The following RPS6KA3 variants were observed in gnomAD, a reference collection of about 807,000 sequenced individuals.
RPS6KA3 encodes ribosomal protein S6 kinase A3.
Under a neutral mutation model 67.2 loss-of-function variants are expected in RPS6KA3, and 4 were observed. That is an observed-to-expected ratio of 0.06 (90% CI 0.03 to 0.14). The LOEUF (loss-of-function observed/expected upper bound fraction) is 0.14. Ranked by LOEUF, RPS6KA3 falls within the 10% of genes least tolerant of loss-of-function variation. The pLI is 1.00. For synonymous variants in RPS6KA3, 182 were observed against 183.7 expected, an observed-to-expected ratio of 0.99 and a Z score of 0.07; for missense variants, 204 against 559.0, an observed-to-expected ratio of 0.36 and a Z score of 6.40.
At chrX:20,173,544 C>T (rs1354059115) in intron 14 of RPS6KA3, among the ~76,000 whole-genome samples, 1 of 111,844 alleles carries the variant, frequency 8.9e-6, no homozygotes, top group Admixed American at 9.5e-5. Flanking sequence ...ATTCCATAAA[C>T]AGGCTGAGGA....
At chrX:20,162,894 A>G in intron 19 of RPS6KA3, 70 bp downstream of exon 19, 1 of 753,830 alleles carries the variant, frequency 1.3e-6, no homozygotes, top group Non-Finnish European at 2.1e-6. Flanking sequence ...CAAAACAAAA[A>G]CCTAGATAAC....
At chrX:20,187,993 T>C in intron 8 of RPS6KA3, 23 bp from the exon 9 acceptor site, 1 of 1,186,549 alleles carries the variant, frequency 8.4e-7, no homozygotes, top group Non-Finnish European at 1.1e-6. Flanking sequence ...ATATCATAAA[T>C]ATCCTACATA....
chrX:20,224,559 C>T (rs193038541), intron 2 of RPS6KA3, among the ~76,000 whole-genome samples: 1 of 111,417 alleles, frequency 9.0e-6, no homozygotes, highest in Admixed American at 9.5e-5. Flanking sequence ...TTTTCAGACA[C>T]TAAAAGATTT....
At chrX:20,216,729 A>G (rs1227173433) in intron 2 of RPS6KA3, among the ~76,000 whole-genome samples, 1 of 111,294 alleles carries the variant, frequency 9.0e-6, no homozygotes, top group African/African-American at 3.3e-5. Flanking sequence ...CAAAGGCCAC[A>G]GCAGGAGCAC....
intron 1 of RPS6KA3, among the ~76,000 whole-genome samples, chrX:20,256,315 T>C (rs1455741795): frequency 9.0e-6 from 1 of 110,702 alleles, no homozygotes; most frequent in Non-Finnish European, 1.9e-5. Context: ...AGATAATTGT[T>C]AACATTTTTG....
intron 2 of RPS6KA3, 109 bp downstream of exon 2, chrX:20,234,649 C>A (rs1006061076): frequency 1.7e-6 from 1 of 574,099 alleles, no homozygotes; most frequent in African/African-American, 2.3e-5. Flanking sequence ...GTGAAAGGAT[C>A]GACAAGTTTC....
chrX:20,248,479 T>C (rs1268571792), intron 1 of RPS6KA3, among the ~76,000 whole-genome samples: 2 of 111,166 alleles, frequency 1.8e-5, no homozygotes, highest in African/African-American at 6.6e-5. Context: ...TAATGCTTTT[T>C]AATTTTTTTT....
chrX:20,196,511 T>C (rs981710644), intron 4 of RPS6KA3, among the ~76,000 whole-genome samples: 2 of 112,089 alleles, frequency 1.8e-5, no homozygotes, highest in Non-Finnish European at 3.8e-5. Context: ...AGGACAATCT[T>C]TGGAGGAGGG....
At chrX:20,258,430 T>C (rs2070133129) in intron 1 of RPS6KA3, among the ~76,000 whole-genome samples, 1 of 112,178 alleles carries the variant, frequency 8.9e-6, no homozygotes, top group African/African-American at 3.2e-5. Context: ...GGAGTGAAGA[T>C]TTATCCCAAA....
chrX:20,229,927 GA>G (rs2148775234), intron 2 of RPS6KA3, among the ~76,000 whole-genome samples: 1 of 112,181 alleles, frequency 8.9e-6, no homozygotes, highest in South Asian at 3.7e-4. Context: ...ATGAGTAGGA[GA>G]AAGTACAAAC....
rs2068200173 is a variant in RPS6KA3 at position 20,193,683 on chromosome X, A to C, written c.487-90T>G. On this transcript the variant is annotated intron_variant, in intron 6 of 21. Coordinates refer to ENST00000379565, the MANE Select transcript of RPS6KA3 (RefSeq NM_004586.3). ...ACTCTAGAGTTTAAATATCCTAAAA[A>C]TTTTATAAATATGATAATTATACAT... The C allele has an allele frequency of 3.8e-6, 2 of 524,074 alleles. 1 individual carries two copies. The highest frequency in any genetic ancestry group is 6.7e-5 in the Admixed American group (2 of 30,009). The allele number at this position is 524,074 out of a possible 1,213,427, so 43.2% of individuals were successfully genotyped here. A position where few individuals can be genotyped will look rare whatever the true frequency, so the allele number is the denominator to read the frequency against.
chrX:20,158,619 G>A (rs2067241318), intron 20 of RPS6KA3, among the ~76,000 whole-genome samples: 1 of 111,636 alleles, frequency 9.0e-6, no homozygotes, highest in African/African-American at 3.3e-5. Context: ...AATTCTGAAA[G>A]TAGGCAAAAG....
intron 20 of RPS6KA3, among the ~76,000 whole-genome samples, chrX:20,158,431 C>G (rs1163687012): frequency 1.0e-5 from 1 of 99,225 alleles, no homozygotes; most frequent in Non-Finnish European, 2.0e-5. Context: ...GGATAAAGAA[C>G]TGACAGAATC....
intron 1 of RPS6KA3, chrX:20,240,562 T>C: frequency 1.7e-6 from 1 of 598,614 alleles, no homozygotes; most frequent in Non-Finnish European, 2.0e-6. Flanking sequence ...ATGTATATAA[T>C]CCTTACCAAT....
intron 4 of RPS6KA3, among the ~76,000 whole-genome samples, chrX:20,201,959 A>G (rs966761506): frequency 3.8e-5 from 4 of 105,559 alleles, no homozygotes; most frequent in Non-Finnish European, 7.8e-5. Flanking sequence ...CAGCTTGCTC[A>G]GGGGTATTTC....
chrX:20,205,952 T>G lies in RPS6KA3; in HGVS notation c.244-1849A>C, dbSNP rs1478837471. Among the ~76,000 whole-genome samples, 6 of 112,528 alleles carry G rather than the reference T, an allele frequency of 5.3e-5. No individual in the cohort carries two copies. The Admixed American group carries it at 5.6e-4, about 11-fold the overall frequency. ...TTTGGGAGGCAGACCTACTAGGCAA[T>G]GCCTATTTTATAGCTGTCCAAACTA... On this transcript the variant is annotated intron_variant, in intron 3 of 21. Transcript: ENST00000379565.
At chrX:20,260,520 A>C (rs1824862006) in intron 1 of RPS6KA3, among the ~76,000 whole-genome samples, 1 of 111,585 alleles carries the variant, frequency 9.0e-6, no homozygotes, top group Non-Finnish European at 1.9e-5. Context: ...GGTAAGATTA[A>C]AGAGATTTCT....
At chrX:20,218,947 T>C (rs1035529029) in intron 2 of RPS6KA3, 15 of 593,234 alleles carry the variant, frequency 2.5e-5, no homozygotes, top group Non-Finnish European at 3.7e-5. Flanking sequence ...TTCCGGCAAT[T>C]AGAAAATTTC....
intron 1 of RPS6KA3, among the ~76,000 whole-genome samples, chrX:20,243,018 C>G: frequency 9.1e-6 from 1 of 110,399 alleles, no homozygotes; most frequent in East Asian, 2.8e-4. Flanking sequence ...CAACTATTTA[C>G]TACTTTAAAG....
Sources: allele counts gnomAD v4.1 joint callset (sites outside exome capture counted in the v4.1 genomes callset), GRCh38; gene constraint gnomAD v4.1.1; transcripts MANE v1.5; gene names NCBI Gene and HGNC (gene_info 2026-07-23, HGNC 2026-07-21).